DENND4B: variants seen among roughly 807,000 people sequenced by gnomAD.
DENND4B encodes the protein DENN domain containing 4B, also known as DENN domain-containing protein 4B.
In DENND4B, 67 loss-of-function variants were observed where a neutral mutation model predicts 161.0. The observed-to-expected ratio is 0.42, with a 90% CI of 0.34 to 0.51. The LOEUF (loss-of-function observed/expected upper bound fraction) is 0.51. Ranked by LOEUF, DENND4B falls within the 20% of genes least tolerant of loss-of-function variation. DENND4B has a pLI of 0.08. For missense variants in DENND4B, 1,481 were observed against 1,968.0 expected, an observed-to-expected ratio of 0.75 and a Z score of 4.68; for synonymous variants, 753 against 813.8, an observed-to-expected ratio of 0.93 and a Z score of 1.27.
chr1:153,930,240 T>C lies in DENND4B; in HGVS notation c.*57A>G. The C allele has an allele frequency of 1.3e-6, 2 of 1,571,192 alleles. No homozygotes were observed. Among genetic ancestry groups the C allele is most frequent in the South Asian group, 1.2e-5 (1 of 86,012 alleles). Reference sequence around the variant, plus strand: ...AGGCAACAGGGAAGCAGTTTAACTCTAGAATCCCTTCTTCCTCACTTCCCC... The same window carrying C: ...AGGCAACAGGGAAGCAGTTTAACTCCAGAATCCCTTCTTCCTCACTTCCCC... On this transcript the variant is annotated 3_prime_UTR_variant, in exon 28 of 28. Coordinates refer to ENST00000361217, the MANE Select transcript of DENND4B (RefSeq NM_014856.3). The surrounding 1 kb of genome is among the most constrained non-coding windows in gnomAD (Gnocchi z 4.7).
Position 153,939,583 on chromosome 1 carries a change from C to T in DENND4B, c.1819+6G>A, listed in dbSNP as rs777804693. 6.2e-7 allele frequency: 1 copy of T among 1,603,774 alleles called. No homozygotes were observed. Among genetic ancestry groups the T allele is most frequent in the Non-Finnish European group, 8.5e-7 (1 of 1,173,022 alleles). On this transcript the variant is annotated splice_donor_region_variant and intron_variant, in intron 12 of 27. Transcript: ENST00000361217. ...ACATCTCCAAGCAGAGACAGGCCCT[C>T]TATACCCTGCAGGAAGAAAAGGTTG...
chr1:153,933,812 T>G lies in DENND4B; in HGVS notation c.3001A>C (p.Ser1001Arg). 6.2e-7 allele frequency: 1 copy of G among 1,613,076 alleles called. No homozygotes were observed. The highest frequency in any genetic ancestry group is 8.5e-7 in the Non-Finnish European group (1 of 1,179,736). ...CCTGTCAGGCTCAGGTCTGAGAGAC[T>G]TCCATCGTGCCAGGGCACAGGTGAT... ...RGSPVPWHDG[S>R]LSDLSLTGEE... Residue 1001 changes from serine (S) to arginine (R), a missense_variant, in exon 20 of 28, where the codon AGT (serine) becomes CGT (arginine). Coordinates refer to ENST00000361217, the MANE Select transcript of DENND4B (RefSeq NM_014856.3). This position sits in a 1 kb window ranked among gnomAD's most constrained non-coding sequence, Gnocchi z 5.7.
chr1:153,940,343 G>A lies in DENND4B; in HGVS notation c.1503-87C>T. ...TGCCAGCCTCCCTCACTTTGTGCCTGAAGCTCTTTTTGAGCCCGTAGCACT... is the reference window on the plus strand; with the variant it reads ...TGCCAGCCTCCCTCACTTTGTGCCTAAAGCTCTTTTTGAGCCCGTAGCACT... On this transcript the variant is annotated intron_variant, in intron 10 of 27. Transcript: ENST00000361217. The surrounding 1 kb of genome is among the most constrained non-coding windows in gnomAD (Gnocchi z 5.6). 1.9e-6 allele frequency: 3 copies of A among 1,565,298 alleles called. No individual in the cohort carries two copies. Among genetic ancestry groups the A allele is most frequent in the South Asian group, 1.2e-5 (1 of 84,712 alleles).
chr1:153,931,118 G>T, intron 24 of DENND4B, 54 bp from the exon 25 acceptor site: 1 of 1,411,034 alleles, frequency 7.1e-7, no homozygotes, highest in Non-Finnish European at 9.8e-7. Context: ...GGAGGCAGAG[G>T]ACAAGAAACG....
Position 153,936,259 on chromosome 1 carries a change from T to G in DENND4B, c.2440-71A>C. 1 of 1,528,124 alleles carries G rather than the reference T, an allele frequency of 6.5e-7. No homozygotes were observed. Among genetic ancestry groups the G allele is most frequent in the Non-Finnish European group, 8.8e-7 (1 of 1,132,308 alleles). The allele number at this position is 1,528,124 out of a possible 1,614,324, so 94.7% of individuals were successfully genotyped here. A position where few individuals can be genotyped will look rare whatever the true frequency, so the allele number is the denominator to read the frequency against. The stretch of plus-strand genomic sequence containing the variant: ...AAAACCAAAGTCTCAGCAAGCACCC[T>G]CTTCCTGCCTCCCCAATTCTCACAG... On this transcript the variant is annotated intron_variant, in intron 16 of 27. Transcript: ENST00000361217. The surrounding 1 kb of genome is among the most constrained non-coding windows in gnomAD (Gnocchi z 4.1).
Position 153,932,813 on chromosome 1 carries a change from C to G in DENND4B, c.3624-36G>C, listed in dbSNP as rs1415910565. 6.2e-7 allele frequency: 1 copy of G among 1,613,120 alleles called. No individual in the cohort carries two copies. The highest frequency in any genetic ancestry group is 1.3e-5 in the African/African-American group (1 of 74,902). ...ATAGCAGCAGGGGTCAGCTTTTGGA[C>G]CTTCACCTCCCTATTCCCACCCACA... On this transcript the variant is annotated intron_variant, in intron 22 of 27. Transcript: ENST00000361217. This position sits in a 1 kb window ranked among gnomAD's most constrained non-coding sequence, Gnocchi z 5.8.
At chr1:153,945,553 GACACACACAC>G (rs35616374) in intron 1 of DENND4B, among the ~76,000 whole-genome samples, 41 of 149,912 alleles carry the variant, frequency 2.7e-4, no homozygotes, top group Admixed American at 2.6e-3. Context: ...CTGGCCTCTG[GACACACACAC>G]ACACACACAC....
Position 153,932,846 on chromosome 1 carries a change from C to T in DENND4B, c.3623+15G>A, listed in dbSNP as rs1372938234. 2 of 1,613,686 alleles carry T rather than the reference C, an allele frequency of 1.2e-6. No individual in the cohort carries two copies. Among genetic ancestry groups the T allele is most frequent in the Non-Finnish European group, 1.7e-6 (2 of 1,179,636 alleles). On this transcript the variant is annotated intron_variant, in intron 22 of 27. Transcript: ENST00000361217. The surrounding 1 kb of genome is among the most constrained non-coding windows in gnomAD (Gnocchi z 5.8). ...TCCCTATTCCCACCCACAGCACTTG[C>T]CCTGCCTTGGGCACCTGGGCCGGGA...
At chr1:153,943,656 T>A (rs1032712843) in intron 2 of DENND4B, among the ~76,000 whole-genome samples, 4 of 127,610 alleles carry the variant, frequency 3.1e-5, no homozygotes, top group African/African-American at 1.2e-4. Flanking sequence ...CCAGCCTGAG[T>A]GACAGAGAGA....
rs1679859530 is a variant in DENND4B, at chr1:153,944,448, A to C, written c.-23-51T>G. On this transcript the variant is annotated intron_variant, in intron 1 of 27. Transcript: ENST00000361217. The surrounding 1 kb of genome is among the most constrained non-coding windows in gnomAD (Gnocchi z 4.8). Reference sequence around the variant, plus strand: ...TGAAGCAAGGAAGGCTGGGGATGCCATGGCAACCAGGGTACCCTCTTGCTC... The same window carrying C: ...TGAAGCAAGGAAGGCTGGGGATGCCCTGGCAACCAGGGTACCCTCTTGCTC... The C allele has an allele frequency of 1.3e-6, 2 of 1,481,818 alleles. No homozygotes were observed. The highest frequency in any genetic ancestry group is 1.8e-6 in the Non-Finnish European group (2 of 1,110,368). 91.8% of individuals were successfully genotyped at this position (1,481,818 alleles called of 1,614,324 possible).
rs751860988 is a variant in DENND4B at position 153,934,815 on chromosome 1, C to CTGCTGCTGCTGCTGT, written c.2703_2717dup (p.Gln906_Gln910dup). 23 of 1,559,272 alleles carry CTGCTGCTGCTGCTGT rather than the reference C, an allele frequency of 1.5e-5. No individual in the cohort carries two copies. Among genetic ancestry groups the CTGCTGCTGCTGCTGT allele is most frequent in the African/African-American group, 2.7e-5 (2 of 74,336 alleles). On this transcript the variant is annotated inframe_insertion, in exon 18 of 28. Transcript: ENST00000361217. This position sits in a 1 kb window ranked among gnomAD's most constrained non-coding sequence, Gnocchi z 5.3. ...CTGACACCTGCTCCTGCTGCTGCTG[C>CTGCTGCTGCTGCTGT]TGCTGCTGCTGCTGTTGCTGCTGCT...
chr1:153,938,196 G>A (rs1387426745), intron 13 of DENND4B, among the ~76,000 whole-genome samples: 3 of 151,892 alleles, frequency 2.0e-5, no homozygotes, highest in Middle Eastern at 3.4e-3. Context: ...ATTACTTGAG[G>A]CCAGGAGTTC....
intron 17 of DENND4B, 123 bp downstream of exon 17, chr1:153,935,935 CAG>C: frequency 1.6e-6 from 2 of 1,228,656 alleles, no homozygotes; most frequent in Non-Finnish European, 2.3e-6. Flanking sequence ...ATGTGGATGA[CAG>C]TGGTTCCAGG....
chr1:153,937,453 T>C lies in DENND4B; in HGVS notation c.2232+35A>G. The C allele has an allele frequency of 6.7e-7, 1 of 1,492,732 alleles. No homozygotes were observed. Among genetic ancestry groups the C allele is most frequent in the Non-Finnish European group, 8.9e-7 (1 of 1,117,936 alleles). The allele number at this position is 1,492,732 out of a possible 1,614,324, so 92.5% of individuals were successfully genotyped here. On this transcript the variant is annotated intron_variant, in intron 15 of 27. Transcript: ENST00000361217. This position sits in a 1 kb window ranked among gnomAD's most constrained non-coding sequence, Gnocchi z 4.7. ...GAAGCAGCAGCAGCCTTCAGCCTGA[T>C]CCGGGTCCCTCAGTGCGGTCCACCC...
chr1:153,932,714 A>G lies in DENND4B; in HGVS notation c.3687T>C (p.Pro1229=). The change falls in exon 23 of 28, where the codon CCT becomes CCC. Residue 1229 remains proline (P), a synonymous_variant. Coordinates refer to ENST00000361217, the MANE Select transcript of DENND4B (RefSeq NM_014856.3). The surrounding 1 kb of genome is among the most constrained non-coding windows in gnomAD (Gnocchi z 5.8). ...GCCTTCGGTCACTGAGCACAGGGCC[A>G]GGACCACCAGGGACAGGAGCATCTT... The part of the protein sequence containing the change: ...GSKDAPVPGG[P]GPVLSDRRLC... 3 of 1,614,062 alleles carry G rather than the reference A, an allele frequency of 1.9e-6. No individual in the cohort carries two copies. Among genetic ancestry groups the G allele is most frequent in the Non-Finnish European group, 2.5e-6 (3 of 1,179,898 alleles).
chr1:153,932,905 G>A lies in DENND4B; in HGVS notation c.3579C>T (p.Pro1193=), dbSNP rs1679052772. Reference sequence around the variant, plus strand: ...TCTGGACACTGAGCAGGGGCACAAAGGGGCAGGCGCAGAAGGGGCAGGTTG... The same window carrying A: ...TCTGGACACTGAGCAGGGGCACAAAAGGGCAGGCGCAGAAGGGGCAGGTTG... ...LNTTCPFCAC[P]FVPLLSVQTL... The change falls in exon 22 of 28, where the codon CCC becomes CCT. Residue 1193 remains proline (P), a synonymous_variant. Transcript: ENST00000361217. This position sits in a 1 kb window ranked among gnomAD's most constrained non-coding sequence, Gnocchi z 5.8. The A allele has an allele frequency of 6.2e-7, 1 of 1,613,912 alleles. No homozygotes were observed. Among genetic ancestry groups the A allele is most frequent in the African/African-American group, 1.3e-5 (1 of 74,936 alleles).
intron 2 of DENND4B, 99 bp downstream of exon 2, chr1:153,943,959 T>C (rs1450188262): frequency 1.1e-5 from 15 of 1,336,350 alleles, no homozygotes; most frequent in Non-Finnish European, 1.5e-5. Context: ...CAGGCTCCCA[T>C]CCCCATTGCC....
Position 153,934,194 on chromosome 1 carries a change from C to T in DENND4B, c.2882G>A (p.Ser961Asn), listed in dbSNP as rs763160066. The change falls in exon 19 of 28, where the codon AGT becomes AAT. Residue 961 changes from serine (S) to asparagine (N), a missense_variant. Around this residue, in one of 3 missense-constraint regions of DENND4B, gnomAD observed 339 missense variants for 330.3 expected, o/e 1.03. Coordinates refer to ENST00000361217, the MANE Select transcript of DENND4B (RefSeq NM_014856.3). This position sits in a 1 kb window ranked among gnomAD's most constrained non-coding sequence, Gnocchi z 5.3. ...PASPPGRLVK[S>N]GSLGSARGAQ... ...CCCTCGGGCACTGCCCAGGCTACCA[C>T]TCTTCACCAGGCGTCCAGGGGGTGA... is the stretch of plus-strand genomic sequence containing the variant. 1.2e-6 allele frequency: 2 copies of T among 1,606,266 alleles called. No homozygotes were observed. The highest frequency in any genetic ancestry group is 8.5e-7 in the Non-Finnish European group (1 of 1,177,354).
In DENND4B at chr1:153,936,703, G is replaced by T. The variant is rs777252673; in HGVS notation, c.2278C>A (p.Pro760Thr). 8 of 1,610,372 alleles carry T rather than the reference G, an allele frequency of 5.0e-6. No individual in the cohort carries two copies. Among genetic ancestry groups the T allele is most frequent in the Non-Finnish European group, 6.8e-6 (8 of 1,177,820 alleles). ...AGCAGGCACCGGGCCCACAGCTCAG[G>T]CACAGCTGCTGACTTCTGTGCCATC... ...QRMAQKSAAVPELWARCLLGH... is the reference protein window; with the variant it reads ...QRMAQKSAAVTELWARCLLGH... The change falls in exon 16 of 28, where the codon CCT becomes ACT. Residue 760 changes from proline (P) to threonine (T), a missense_variant. Physicochemically the swap from Pro to Thr is conservative, Grantham distance 38. Around this residue, in one of 3 missense-constraint regions of DENND4B, gnomAD observed 806 missense variants for 1,134.4 expected, o/e 0.71. Transcript: ENST00000361217. The surrounding 1 kb of genome is among the most constrained non-coding windows in gnomAD (Gnocchi z 4.1).
Sources: allele counts gnomAD v4.1 joint callset (sites outside exome capture counted in the v4.1 genomes callset), GRCh38; gene constraint gnomAD v4.1.1; regional missense constraint gnomAD v4.1.1; non-coding constraint Gnocchi (gnomAD v3.1); transcripts MANE v1.5; gene names NCBI Gene and HGNC (gene_info 2026-07-23, HGNC 2026-07-21).